Variants in EPB41L2 observed in about 807,000 individuals in gnomAD.
EPB41L2 encodes band 4.1-like protein 2.
In EPB41L2, 43 loss-of-function variants were observed where a neutral mutation model predicts 113.0. The observed-to-expected ratio is 0.38, with a 90% CI of 0.30 to 0.49. The LOEUF (loss-of-function observed/expected upper bound fraction) is 0.49, where lower values mean the gene tolerates loss of function less well. EPB41L2 is among the 20% of genes least tolerant of loss of function. EPB41L2 has a pLI of 0.95. For missense variants in EPB41L2, 1,147 were observed against 1,223.4 expected (o/e 0.94, Z 0.93); for synonymous variants, 442 against 436.7 (o/e 1.01, Z -0.15).
chr6:130,986,587 CTTT>C (rs368892146), intron 1 of EPB41L2, among the ~76,000 whole-genome samples: 1 of 143,370 alleles, frequency 7.0e-6, no homozygotes, highest in Admixed American at 7.0e-5. Context: ...GGATTTTTTT[CTTT>C]TTTTTTTTTT....
At chr6:130,846,461 C>T (rs1777073675) in intron 19 of EPB41L2, among the ~76,000 whole-genome samples, 1 of 152,206 alleles carries the variant, frequency 6.6e-6, no homozygotes, top group Admixed American at 6.5e-5. Context: ...AATCTGCTAT[C>T]ACTAAACTAC....
At chr6:131,055,946 A>G (rs1184047751) in intron 1 of EPB41L2, among the ~76,000 whole-genome samples, 1 of 152,192 alleles carries the variant, frequency 6.6e-6, no homozygotes, top group Non-Finnish European at 1.5e-5. Context: ...TGAGCATAAA[A>G]TGCGTGCGTC....
chr6:130,986,052 C>T (rs909207306), intron 1 of EPB41L2, among the ~76,000 whole-genome samples: 6 of 152,068 alleles, frequency 3.9e-5, no homozygotes, highest in African/African-American at 7.2e-5. Context: ...TATAAACATA[C>T]GGGCAAAAAT....
At chr6:130,892,274 C>G (rs572509813) in intron 10 of EPB41L2, among the ~76,000 whole-genome samples, 1 of 151,320 alleles carries the variant, frequency 6.6e-6, no homozygotes, top group Non-Finnish European at 1.5e-5. Context: ...CCACAGGCAC[C>G]GATCTCTAAG....
chr6:131,062,069 G>T (rs1798764509), intron 1 of EPB41L2, among the ~76,000 whole-genome samples: 1 of 152,014 alleles, frequency 6.6e-6, no homozygotes, highest in Non-Finnish European at 1.5e-5. Flanking sequence ...GGGCAGCTGT[G>T]GTGTTGATGG....
At chr6:130,878,386 A>T (rs1339191286) in intron 13 of EPB41L2, 136 bp from the exon 14 acceptor site, 2 of 969,770 alleles carry the variant, frequency 2.1e-6, no homozygotes, top group Non-Finnish European at 2.9e-6. Context: ...GAAAAATGCC[A>T]AGTCTCTAAA....
chr6:130,877,369 T>C (rs1458631465), intron 14 of EPB41L2, among the ~76,000 whole-genome samples: 3 of 152,162 alleles, frequency 2.0e-5, no homozygotes, highest in Non-Finnish European at 4.4e-5. Flanking sequence ...AACGAGCCCA[T>C]GGAAGTTCTT....
At chr6:130,926,978 G>A (rs901712428) in intron 3 of EPB41L2, among the ~76,000 whole-genome samples, 1 of 152,108 alleles carries the variant, frequency 6.6e-6, no homozygotes, top group Non-Finnish European at 1.5e-5. Context: ...GGACGAAAAA[G>A]GCGAAATGTT....
At chr6:130,970,824 T>C (rs374873730) in intron 1 of EPB41L2, among the ~76,000 whole-genome samples, 10 of 152,288 alleles carry the variant, frequency 6.6e-5, no homozygotes, top group Admixed American at 1.3e-4. Context: ...AACTCATCAA[T>C]TGGAATGTGT....
chr6:130,888,829 G>A (rs966988605), intron 11 of EPB41L2, among the ~76,000 whole-genome samples: 22 of 152,134 alleles, frequency 1.4e-4, no homozygotes, highest in African/African-American at 4.6e-4. Flanking sequence ...CACAATTCTG[G>A]AAATTTGTTT....
chr6:130,925,993 AAC>A (rs1804606429), intron 4 of EPB41L2, among the ~76,000 whole-genome samples: 1 of 152,246 alleles, frequency 6.6e-6, no homozygotes, highest in African/African-American at 2.4e-5. Context: ...TGTAAATACT[AAC>A]AACGATAGCA....
At chr6:130,921,783 C>T (rs1256978183) in intron 4 of EPB41L2, among the ~76,000 whole-genome samples, 1 of 152,178 alleles carries the variant, frequency 6.6e-6, no homozygotes, top group Non-Finnish European at 1.5e-5. Context: ...TATCTAGTCC[C>T]TAATAAATGT....
intron 1 of EPB41L2, among the ~76,000 whole-genome samples, chr6:131,041,554 T>A (rs562547815): frequency 6.6e-6 from 1 of 152,300 alleles, no homozygotes; most frequent in South Asian, 2.1e-4. Context: ...AACTCCCAAT[T>A]AATCTTGAAT....
At position 130,892,115 on chromosome 6, in the gene EPB41L2, G is replaced by A. The variant is rs140876015; in HGVS notation, c.1488-1649C>T. On this transcript the variant is annotated intron_variant, in intron 10 of 19. Transcript: ENST00000337057. The stretch of plus-strand genomic sequence containing the variant: ...TCCATGGTACATTAGCAAAAATGAG[G>A]AGGCCTGAGGCTTTGCACAGCTAAT... 5.0e-3 allele frequency among the ~76,000 whole-genome samples: 766 copies of A among 152,184 alleles called. 5 individuals carry two copies. The highest frequency in any genetic ancestry group is 0.018 in the African/African-American group (728 of 41,518).
chr6:131,011,339 T>G (rs2128725545), intron 1 of EPB41L2, among the ~76,000 whole-genome samples: 1 of 152,322 alleles, frequency 6.6e-6, no homozygotes, highest in African/African-American at 2.4e-5. Flanking sequence ...CCACTACAAG[T>G]TGCTCTTTTC....
intron 19 of EPB41L2, among the ~76,000 whole-genome samples, chr6:130,853,740 A>C (rs1005471997): frequency 6.6e-6 from 1 of 152,180 alleles, no homozygotes; most frequent in Non-Finnish European, 1.5e-5. Flanking sequence ...GAGCTACTCC[A>C]AAGGGCAAGA....
At chr6:130,896,881 G>A (rs1794828829) in intron 8 of EPB41L2, among the ~76,000 whole-genome samples, 1 of 152,172 alleles carries the variant, frequency 6.6e-6, no homozygotes, top group African/African-American at 2.4e-5. Context: ...TATAAAGGGA[G>A]TTCTTGCAAA....
rs528027390 is a variant in EPB41L2 at position 130,870,916 on chromosome 6, T to G, written c.2044-790A>C. Among the ~76,000 whole-genome samples the G allele has an allele frequency of 5.9e-5, 9 of 152,326 alleles. No individual in the cohort carries two copies. The South Asian group carries it at 1.7e-3, about 28-fold the overall frequency. ...TCATTCCAGAAATGGTTATTAACTT[T>G]CCAATTCGTATCATAGGTTGGCAAA... On this transcript the variant is annotated intron_variant, in intron 14 of 19. Coordinates refer to ENST00000337057, the MANE Select transcript of EPB41L2 (RefSeq NM_001431.4).
chr6:130,879,072 A>C (rs1788470213), intron 13 of EPB41L2, among the ~76,000 whole-genome samples: 1 of 152,174 alleles, frequency 6.6e-6, no homozygotes, highest in African/African-American at 2.4e-5. Flanking sequence ...TGGCTCTCAT[A>C]AATAGTATTT....
Sources: allele counts gnomAD v4.1 joint callset (sites outside exome capture counted in the v4.1 genomes callset), GRCh38; gene constraint gnomAD v4.1.1; transcripts MANE v1.5; gene names NCBI Gene and HGNC (gene_info 2026-07-23, HGNC 2026-07-21).